Variants in NRDC observed in about 807,000 individuals in gnomAD.
NRDC encodes the protein nardilysin.
NRDC carries 54 observed loss-of-function variants against 147.1 expected under a neutral mutation model. That is an observed-to-expected ratio of 0.37 (90% CI 0.29 to 0.46). NRDC has a LOEUF of 0.46. NRDC is among the 20% of genes least tolerant of loss of function. The probability of loss-of-function intolerance (pLI) is 1.00; values close to 1 mark genes in which losing one functional copy is unlikely to be tolerated. For synonymous variants in NRDC, 440 were observed against 482.1 expected (o/e 0.91, Z 1.14); for missense variants, 1,082 against 1,370.6 (o/e 0.79, Z 3.33).
intron 11 of NRDC, among the ~76,000 whole-genome samples, chr1:51,815,053 A>G (rs531853957): frequency 1.3e-5 from 2 of 152,324 alleles, no homozygotes; most frequent in East Asian, 3.9e-4. Flanking sequence ...GTTTAATGCA[A>G]ATACGAATAG....
intron 12 of NRDC, 28 bp from the exon 13 acceptor site, chr1:51,814,637 T>C (rs1679877346): frequency 3.1e-6 from 5 of 1,608,992 alleles, no homozygotes; most frequent in East Asian, 2.2e-5. Context: ...AATTAGTCTT[T>C]TGCATAAAGT....
At chr1:51,814,459 T>A in intron 13 of NRDC, 92 bp downstream of exon 13, 3 of 1,261,110 alleles carry the variant, frequency 2.4e-6, no homozygotes, top group African/African-American at 1.5e-5. Flanking sequence ...TGAAAAACCA[T>A]CAAGGCAAGA....
intron 20 of NRDC, among the ~76,000 whole-genome samples, chr1:51,803,395 A>G (rs1240061835): frequency 6.6e-6 from 1 of 151,664 alleles, no homozygotes; most frequent in Non-Finnish European, 1.5e-5. Context: ...GAACTGATTG[A>G]ACCCGGGAGG....
chr1:51,829,932 C>T (rs1014235999), intron 4 of NRDC, among the ~76,000 whole-genome samples: 7 of 150,994 alleles, frequency 4.6e-5, no homozygotes, highest in African/African-American at 1.5e-4. Flanking sequence ...GTTTCTTATT[C>T]CTTGCAAGTA....
intron 3 of NRDC, among the ~76,000 whole-genome samples, chr1:51,835,467 G>GTTTTTTTT (rs951683379): frequency 1.1e-4 from 13 of 114,622 alleles, no homozygotes; most frequent in African/African-American, 2.1e-4. Flanking sequence ...TTTGTTTCTT[G>GTTTTTTTT]TTTTTTTTTT....
At chr1:51,872,242 C>T (rs540498567) in intron 1 of NRDC, among the ~76,000 whole-genome samples, 4 of 152,256 alleles carry the variant, frequency 2.6e-5, no homozygotes, top group East Asian at 3.9e-4. Context: ...CTGCCTTGGC[C>T]GCCCAAAGTG....
intron 28 of NRDC, 73 bp from the exon 29 acceptor site, chr1:51,790,722 C>A: frequency 8.8e-7 from 1 of 1,138,082 alleles, no homozygotes. Flanking sequence ...TGGGCCCTGT[C>A]CAGCCCGGCT....
rs762584714 is a variant in NRDC, at chr1:51,794,461, A to G, written c.2775+11T>C. The G allele has an allele frequency of 6.2e-7, 1 of 1,613,476 alleles. No individual in the cohort carries two copies. The highest frequency in any genetic ancestry group is 8.5e-7 in the Non-Finnish European group (1 of 1,179,494). On this transcript the variant is annotated intron_variant, in intron 24 of 30. Coordinates refer to ENST00000352171, the MANE Select transcript of NRDC (RefSeq NM_001101662.2). ...TGGGCCTTCCGCCAGTCTTTAGTACACCCAACTGACCTGGTAGTACACAGT... is the reference window on the plus strand; with the variant it reads ...TGGGCCTTCCGCCAGTCTTTAGTACGCCCAACTGACCTGGTAGTACACAGT...
intron 1 of NRDC, among the ~76,000 whole-genome samples, chr1:51,841,533 C>G (rs147246900): frequency 2.0e-4 from 30 of 152,104 alleles, no homozygotes; most frequent in African/African-American, 7.2e-4. Context: ...TCTTGAACTC[C>G]TGGGCTCAAG....
intron 24 of NRDC, 63 bp downstream of exon 24, chr1:51,794,409 G>A: frequency 1.3e-6 from 2 of 1,551,786 alleles, no homozygotes; most frequent in South Asian, 2.3e-5. Flanking sequence ...GGCCTTGAAG[G>A]TCACGGGGTC....
At position 51,810,896 on chromosome 1, in the gene NRDC, A is replaced by G. The variant is rs78735648; in HGVS notation, c.1780-492T>C. On this transcript the variant is annotated intron_variant, in intron 15 of 30. Coordinates refer to ENST00000352171, the MANE Select transcript of NRDC (RefSeq NM_001101662.2). ...AGTGGCAAAAGTGGAGTTCTAACTAAATTTGTACATGCTACCAAGGACTAT... is the reference window on the plus strand; with the variant it reads ...AGTGGCAAAAGTGGAGTTCTAACTAGATTTGTACATGCTACCAAGGACTAT... Among the ~76,000 whole-genome samples the G allele has an allele frequency of 4.9e-4, 75 of 152,288 alleles. 4 individuals are homozygous for G. The East Asian group carries it at 0.014, about 28-fold the overall frequency.
chr1:51,821,919 G>A (rs976305725), intron 7 of NRDC, among the ~76,000 whole-genome samples: 18 of 151,976 alleles, frequency 1.2e-4, no homozygotes, highest in Admixed American at 1.0e-3. Flanking sequence ...AGGTTTTTCC[G>A]TACTAACCCA....
chr1:51,825,264 A>G, intron 6 of NRDC, 23 bp downstream of exon 6: 3 of 1,302,024 alleles, frequency 2.3e-6, no homozygotes, highest in Admixed American at 2.0e-5. Context: ...ATATGAAATA[A>G]GATGATGTAT....
At position 51,816,483 on chromosome 1, in the gene NRDC, A is replaced by T. The variant is rs1426993935; in HGVS notation, c.1362-94T>A. The T allele has an allele frequency of 8.8e-6, 5 of 568,526 alleles. No homozygotes were observed. In the East Asian group the frequency reaches 1.6e-4, roughly 18 times the overall value. The allele number at this position is 568,526 out of a possible 1,614,324, so 35.2% of individuals were successfully genotyped here. Reference sequence around the variant, plus strand: ...TAAGGCTACAATAATTGAAAATATAATCACAAACTTATTCTCACATATGTC... The same window carrying T: ...TAAGGCTACAATAATTGAAAATATATTCACAAACTTATTCTCACATATGTC... On this transcript the variant is annotated intron_variant, in intron 10 of 30. Transcript: ENST00000352171.
rs17106790 is a variant in NRDC at position 51,804,040 on chromosome 1, G to A, written c.2163-76C>T. 1.8e-3 allele frequency: 2,314 copies of A among 1,272,650 alleles called. 32 individuals carry two copies. The African/African-American group carries it at 0.031, about 17-fold the overall frequency. 78.8% of individuals were successfully genotyped at this position (1,272,650 alleles called of 1,614,324 possible). A position where few individuals can be genotyped will look rare whatever the true frequency, so the allele number is the denominator to read the frequency against. On this transcript the variant is annotated intron_variant, in intron 19 of 30. Transcript: ENST00000352171. Reference sequence around the variant, plus strand: ...TGAAATAGATTTGCTTCAATTTAGAGTAAGCAGCTTCATTTTTAGAAAGTA... The same window carrying A: ...TGAAATAGATTTGCTTCAATTTAGAATAAGCAGCTTCATTTTTAGAAAGTA...
chr1:51,871,324 C>T (rs74911180), intron 1 of NRDC, among the ~76,000 whole-genome samples: 1,943 of 151,612 alleles, frequency 0.013, 47 homozygotes, highest in African/African-American at 0.045. Flanking sequence ...CTCAGTCAAT[C>T]AATTTCTCAC....
At chr1:51,796,061 T>A (rs1678888540) in intron 22 of NRDC, among the ~76,000 whole-genome samples, 1 of 152,026 alleles carries the variant, frequency 6.6e-6, no homozygotes, top group African/African-American at 2.4e-5. Flanking sequence ...TTTTAATTTT[T>A]TTGGAAGTGG....
chr1:51,829,964 TC>T (rs1368136486), intron 4 of NRDC, among the ~76,000 whole-genome samples: 2 of 146,104 alleles, frequency 1.4e-5, no homozygotes, highest in Non-Finnish European at 3.0e-5. Context: ...GTCTTTTATT[TC>T]TTTTTTTTTT....
chr1:51,839,184 A>C (rs1681140174), intron 2 of NRDC, among the ~76,000 whole-genome samples: 1 of 146,950 alleles, frequency 6.8e-6, no homozygotes, highest in Admixed American at 6.8e-5. Context: ...TTTTGAGACA[A>C]AGTCTCACTC....
Sources: allele counts gnomAD v4.1 joint callset (sites outside exome capture counted in the v4.1 genomes callset), GRCh38; gene constraint gnomAD v4.1.1; transcripts MANE v1.5; gene names NCBI Gene and HGNC (gene_info 2026-07-23, HGNC 2026-07-21).